SANBR: variants seen among roughly 807,000 people sequenced by gnomAD.
The protein encoded by SANBR is SANT and BTB domain regulator of class switch recombination.
A neutral mutation model predicts 101.8 loss-of-function variants in SANBR; 77 were observed. The ratio of observed to expected loss-of-function variants is 0.76; its 90% confidence interval spans 0.63 to 0.91. SANBR has a LOEUF of 0.91. SANBR is among the 40% of genes least tolerant of loss of function. The probability of loss-of-function intolerance (pLI) is 0.00; values close to 1 mark genes in which losing one functional copy is unlikely to be tolerated. For missense variants in SANBR, 875 were observed against 853.0 expected, an observed-to-expected ratio of 1.03 and a Z score of -0.32; for synonymous variants, 279 against 274.7, an observed-to-expected ratio of 1.02 and a Z score of -0.15.
chr2:61,120,229 GCA>G (rs1193641773), intron 20 of SANBR, among the ~76,000 whole-genome samples: 2 of 151,316 alleles, frequency 1.3e-5, no homozygotes, highest in East Asian at 2.0e-4. Context: ...TGGACCGGGT[GCA>G]GTGGCTCACA....
intron 20 of SANBR, among the ~76,000 whole-genome samples, chr2:61,118,885 G>T (rs1270375226): frequency 6.6e-6 from 1 of 151,976 alleles, no homozygotes; most frequent in African/African-American, 2.4e-5. Flanking sequence ...TTTATATTCT[G>T]TATCAGTTAG....
chr2:61,107,399 AAC>A (rs1479911934), intron 14 of SANBR, among the ~76,000 whole-genome samples: 1 of 152,102 alleles, frequency 6.6e-6, no homozygotes, highest in African/African-American at 2.4e-5. Context: ...TCAAAAAACA[AAC>A]ACACAAAAGT....
chr2:61,126,330 C>T (rs535671958), downstream of SANBR, among the ~76,000 whole-genome samples: 3 of 152,314 alleles, frequency 2.0e-5, no homozygotes, highest in African/African-American at 7.2e-5. Flanking sequence ...TATCACCACC[C>T]CCAGTTATTA....
chr2:61,104,179 C>A (rs1683426727), intron 13 of SANBR, among the ~76,000 whole-genome samples, 181 bp downstream of exon 13: 1 of 152,058 alleles, frequency 6.6e-6, no homozygotes, highest in Admixed American at 6.6e-5. Context: ...TGATAGGCAG[C>A]ACACTTAAAA....
chr2:61,136,008 G>A (rs1198745619), intron 21 of SANBR, among the ~76,000 whole-genome samples: 2 of 152,162 alleles, frequency 1.3e-5, no homozygotes, highest in Non-Finnish European at 2.9e-5. Context: ...AGTTTAAAGA[G>A]TCTAAAAAAA....
In SANBR at chr2:61,123,278, T is replaced by G. The variant is rs1305611766; in HGVS notation, c.*1116T>G. ...CTTAATTTGCCTTATAACTGACATT[T>G]CTTCAAATTATTCAGAGAACAGACT... On this transcript the variant is annotated 3_prime_UTR_variant, in exon 22 of 22. Transcript: ENST00000402291. 1.0e-6 allele frequency: 1 copy of G among 981,096 alleles called. No individual in the cohort carries two copies. The highest frequency in any genetic ancestry group is 1.2e-6 in the Non-Finnish European group (1 of 825,900). The allele number at this position is 981,096 out of a possible 1,614,324, so 60.8% of individuals were successfully genotyped here. A position where few individuals can be genotyped will look rare whatever the true frequency, so the allele number is the denominator to read the frequency against.
At position 61,122,256 on chromosome 2, in the gene SANBR, A is replaced by G. The variant is rs1429413566; in HGVS notation, c.*94A>G. ...AAGATCTTCAGAACAATGACTTCCA[A>G]CTGTTTTATGTTATTATTATTTTAA... is the stretch of plus-strand genomic sequence containing the variant. On this transcript the variant is annotated 3_prime_UTR_variant, in exon 22 of 22. Coordinates refer to ENST00000402291, the MANE Select transcript of SANBR (RefSeq NM_001129993.3). 6 of 1,442,252 alleles carry G rather than the reference A, an allele frequency of 4.2e-6. No homozygotes were observed. Among genetic ancestry groups the G allele is most frequent in the East Asian group, 5.0e-5 (2 of 40,066 alleles). The allele number at this position is 1,442,252 out of a possible 1,614,324, so 89.3% of individuals were successfully genotyped here.
At chr2:61,109,323 T>A (rs749564439) in intron 16 of SANBR, 27 bp downstream of exon 16, 2 of 1,307,046 alleles carry the variant, frequency 1.5e-6, no homozygotes, top group Non-Finnish European at 2.1e-6. Flanking sequence ...TAAAATCAAA[T>A]CTCCCTGTTT....
At chr2:61,077,692 A>G (rs1230466202) in intron 6 of SANBR, among the ~76,000 whole-genome samples, 2 of 152,234 alleles carry the variant, frequency 1.3e-5, no homozygotes, top group Non-Finnish European at 1.5e-5. Flanking sequence ...GAATATACAT[A>G]TCTTTACTGT....
At position 61,103,896 on chromosome 2, in the gene SANBR, G is replaced by C. The variant is rs763986095; in HGVS notation, c.1409G>C (p.Gly470Ala). 6.2e-7 allele frequency: 1 copy of C among 1,614,194 alleles called. No homozygotes were observed. Residue 470 changes from glycine to alanine, a missense_variant, in exon 13 of 22, where the codon GGT (glycine) becomes GCT (alanine). Coordinates refer to ENST00000402291, the MANE Select transcript of SANBR (RefSeq NM_001129993.3). ...RDHMVTLRDQGEGGDLPSCPT... is the reference protein window; with the variant it reads ...RDHMVTLRDQAEGGDLPSCPT... ...CACATGGTTACACTTCGTGATCAAG[G>C]TGAAGGCGGAGATTTGCCGTCCTGT...
chr2:61,085,773 C>T (rs528492117), intron 8 of SANBR, among the ~76,000 whole-genome samples: 22 of 151,896 alleles, frequency 1.4e-4, no homozygotes, highest in Non-Finnish European at 2.4e-4. Flanking sequence ...GGCCTCCCAA[C>T]GTGCTGAGAT....
intron 8 of SANBR, among the ~76,000 whole-genome samples, chr2:61,086,833 A>G (rs769361360): frequency 2.6e-5 from 4 of 152,216 alleles, no homozygotes; most frequent in Non-Finnish European, 5.9e-5. Flanking sequence ...GCAGGGGATT[A>G]TTCAAGAATT....
chr2:61,066,250 C>G (rs1681148692), intron 1 of SANBR: 1 of 152,456 alleles, frequency 6.6e-6, no homozygotes, highest in South Asian at 2.1e-4. Flanking sequence ...CATGTCCCTG[C>G]AGACCGTCCC....
intron 17 of SANBR, 100 bp from the exon 18 acceptor site, chr2:61,117,257 T>A (rs749552428): frequency 6.4e-6 from 7 of 1,092,360 alleles, no homozygotes; most frequent in Non-Finnish European, 9.9e-6. Flanking sequence ...TGGTACAGTG[T>A]CTTCACACTC....
intron 7 of SANBR, 40 bp from the exon 8 acceptor site, chr2:61,083,114 A>G (rs1318062037): frequency 2.1e-6 from 3 of 1,440,096 alleles, no homozygotes; most frequent in African/African-American, 2.8e-5. Flanking sequence ...ATTGTCCTTC[A>G]TGCTACTATT....
chr2:61,071,977 G>T (rs1409543550), intron 4 of SANBR, among the ~76,000 whole-genome samples, 185 bp downstream of exon 4: 1 of 151,988 alleles, frequency 6.6e-6, no homozygotes, highest in Non-Finnish European at 1.5e-5. Context: ...TTGTTCTGTT[G>T]CCCAGGCTGG....
At chr2:61,088,270 G>T in intron 9 of SANBR, 25 bp downstream of exon 9, 5 of 1,578,186 alleles carry the variant, frequency 3.2e-6, no homozygotes, top group Non-Finnish European at 4.3e-6. Flanking sequence ...TTTTTTCTTT[G>T]GTGTACTTTA....
At chr2:61,098,068 T>C (rs907091543) in intron 12 of SANBR, among the ~76,000 whole-genome samples, 2 of 148,526 alleles carry the variant, frequency 1.3e-5, no homozygotes, top group Non-Finnish European at 3.0e-5. Flanking sequence ...TATATATATA[T>C]ATATATATAT....
intron 12 of SANBR, among the ~76,000 whole-genome samples, chr2:61,102,740 G>A (rs1411873628): frequency 6.6e-6 from 1 of 151,832 alleles, no homozygotes; most frequent in Admixed American, 6.6e-5. Context: ...GTTTCACCAT[G>A]TTGGCCAGGC....
Sources: allele counts gnomAD v4.1 joint callset (sites outside exome capture counted in the v4.1 genomes callset), GRCh38; gene constraint gnomAD v4.1.1; transcripts MANE v1.5; gene names NCBI Gene and HGNC (gene_info 2026-07-23, HGNC 2026-07-21).